Variants in AFF2 observed in about 807,000 individuals in gnomAD.
AFF2 encodes AF4/FMR2 family member 2.
Under a neutral mutation model 76.9 loss-of-function variants are expected in AFF2, and 14 were observed. That is an observed-to-expected ratio of 0.18 (90% CI 0.12 to 0.28). The LOEUF (loss-of-function observed/expected upper bound fraction) is 0.28, where lower values mean the gene tolerates loss of function less well. Ranked by LOEUF, AFF2 falls within the 10% of genes least tolerant of loss-of-function variation. The pLI, the probability that AFF2 is intolerant of heterozygous loss-of-function variation, is 1.00. For missense variants in AFF2, 868 were observed against 1,001.1 expected (o/e 0.87, Z 1.79); for synonymous variants, 398 against 366.7 (o/e 1.09, Z -0.98).
At chrX:148,771,037 G>A (rs5936428) in intron 3 of AFF2, among the ~76,000 whole-genome samples, 7,554 of 111,723 alleles carry the variant, frequency 0.068, 267 homozygotes, top group Non-Finnish European at 0.099. Flanking sequence ...TTTTGTACAT[G>A]CTGGGCAGAA....
chrX:148,657,323 C>T (rs1322116006), intron 2 of AFF2, among the ~76,000 whole-genome samples: 2 of 111,633 alleles, frequency 1.8e-5, no homozygotes, highest in Non-Finnish European at 3.8e-5. Context: ...AAACTTAGAG[C>T]TTAGAGAGAT....
At chrX:148,754,027 G>T (rs990818994) in intron 3 of AFF2, among the ~76,000 whole-genome samples, 1 of 111,290 alleles carries the variant, frequency 9.0e-6, no homozygotes, top group Non-Finnish European at 1.9e-5. Context: ...GTAAGTGGGG[G>T]TTTGATCAAG....
chrX:148,969,045 G>C (rs2072216295), intron 15 of AFF2, among the ~76,000 whole-genome samples: 1 of 112,872 alleles, frequency 8.9e-6, no homozygotes, highest in Admixed American at 9.3e-5. Context: ...GCTGTTACAT[G>C]AGCTGATGAA....
intron 3 of AFF2, among the ~76,000 whole-genome samples, chrX:148,697,115 A>C (rs2054730520): frequency 8.9e-6 from 1 of 112,225 alleles, no homozygotes; most frequent in African/African-American, 3.2e-5. Context: ...TTCCTTCTCA[A>C]ATGGCTTTAA....
At chrX:148,864,836 C>A (rs782063552) in intron 7 of AFF2, among the ~76,000 whole-genome samples, 2 of 111,835 alleles carry the variant, frequency 1.8e-5, no homozygotes, top group Non-Finnish European at 1.9e-5. Flanking sequence ...CTGACAAGCT[C>A]TCTCTCATCT....
At chrX:148,505,217 A>G (rs1557232351) in intron 1 of AFF2, among the ~76,000 whole-genome samples, 1 of 111,638 alleles carries the variant, frequency 9.0e-6, no homozygotes, top group African/African-American at 3.3e-5. Context: ...GGAGAAATTT[A>G]AGTTGGTGAA....
At chrX:148,552,376 G>A (rs1557239068) in intron 1 of AFF2, among the ~76,000 whole-genome samples, 1 of 111,737 alleles carries the variant, frequency 8.9e-6, no homozygotes, top group African/African-American at 3.3e-5. Context: ...GCTTGAACTG[G>A]CTATTTTGTC....
intron 3 of AFF2, among the ~76,000 whole-genome samples, chrX:148,718,822 A>G (rs2055057145): frequency 9.0e-6 from 1 of 111,340 alleles, no homozygotes; most frequent in African/African-American, 3.3e-5. Flanking sequence ...CAGTAGGAGC[A>G]TAGTTAGTTA....
intron 1 of AFF2, among the ~76,000 whole-genome samples, chrX:148,566,484 C>T (rs782324872): frequency 4.0e-4 from 44 of 111,276 alleles, no homozygotes; most frequent in African/African-American, 1.3e-3. Context: ...AGTTCTCAGA[C>T]AATAGTTCTC....
chrX:148,781,411 G>A (rs2069743029), intron 3 of AFF2, among the ~76,000 whole-genome samples: 1 of 112,400 alleles, frequency 8.9e-6, no homozygotes, highest in South Asian at 3.7e-4. Flanking sequence ...CTTTCTTTTA[G>A]AGATCCCCTG....
Position 148,987,405 on chromosome X carries a change from C to T in AFF2, c.3662C>T (p.Pro1221Leu). The T allele has an allele frequency of 8.3e-7, 1 of 1,210,959 alleles. No homozygotes were observed. Among genetic ancestry groups the T allele is most frequent in the Non-Finnish European group, 1.1e-6 (1 of 895,130 alleles). The change falls in exon 20 of 21, where the codon CCC becomes CTC. Residue 1221 changes from proline to leucine, a missense_variant. Transcript: ENST00000370460. Reference sequence around the variant, plus strand: ...CCAGTGTCTCTCAACAACGTCTCCCCCATCAACGCAATGGGGAACTGTAAC... The same window carrying T: ...CCAGTGTCTCTCAACAACGTCTCCCTCATCAACGCAATGGGGAACTGTAAC... The part of the protein sequence containing the change: ...PSPVSLNNVS[P>L]INAMGNCNNG...
intron 3 of AFF2, among the ~76,000 whole-genome samples, chrX:148,684,591 G>T (rs782034033): frequency 7.1e-5 from 8 of 112,256 alleles, no homozygotes; most frequent in African/African-American, 3.2e-5. Flanking sequence ...TTCTGTAACT[G>T]CTCAAAATAG....
rs2071375739 is a variant in AFF2, at chrX:148,903,485, A to T, written c.1360-736A>T. Among the ~76,000 whole-genome samples, 3 of 112,246 alleles carry T rather than the reference A, an allele frequency of 2.7e-5. No homozygotes were observed. In the South Asian group the frequency reaches 1.1e-3, roughly 42 times the overall value. ...AGTTGTTTCTTCTAATATACTGTGA[A>T]GATCACTAGCTCTTTTCATGAATGA... On this transcript the variant is annotated intron_variant, in intron 8 of 20. Transcript: ENST00000370460.
At chrX:148,974,623 A>C (rs2124404757) in intron 16 of AFF2, among the ~76,000 whole-genome samples, 1 of 112,132 alleles carries the variant, frequency 8.9e-6, no homozygotes, top group Non-Finnish European at 1.9e-5. Context: ...AAAGATAAAA[A>C]GAACTATTTT....
intron 1 of AFF2, among the ~76,000 whole-genome samples, chrX:148,506,801 A>G (rs1569550461): frequency 9.0e-6 from 1 of 111,685 alleles, no homozygotes; most frequent in Non-Finnish European, 1.9e-5. Flanking sequence ...GACCCTCACA[A>G]TAACCTTAAA....
chrX:148,583,818 C>T (rs1248214613), intron 1 of AFF2, among the ~76,000 whole-genome samples: 1 of 111,486 alleles, frequency 9.0e-6, no homozygotes, highest in Non-Finnish European at 1.9e-5. Flanking sequence ...AACTAATTAA[C>T]TCAATTCTAG....
chrX:148,691,233 A>G (rs1371828609), intron 3 of AFF2, among the ~76,000 whole-genome samples: 1 of 112,329 alleles, frequency 8.9e-6, no homozygotes, highest in Non-Finnish European at 1.9e-5. Flanking sequence ...TAGAATGCCT[A>G]GAACAGTGGT....
At chrX:148,966,362 C>A (rs1557288677) in intron 13 of AFF2, among the ~76,000 whole-genome samples, 1 of 111,248 alleles carries the variant, frequency 9.0e-6, no homozygotes, top group Non-Finnish European at 1.9e-5. Flanking sequence ...GTTCCCTTAT[C>A]AAAAATACCC....
chrX:148,512,914 G>A (rs781817464), intron 1 of AFF2, among the ~76,000 whole-genome samples: 6 of 111,103 alleles, frequency 5.4e-5, no homozygotes, highest in East Asian at 2.8e-4. Context: ...AGATGACATC[G>A]GACCATCCAG....
Sources: allele counts gnomAD v4.1 joint callset (sites outside exome capture counted in the v4.1 genomes callset), GRCh38; gene constraint gnomAD v4.1.1; transcripts MANE v1.5; gene names NCBI Gene and HGNC (gene_info 2026-07-23, HGNC 2026-07-21).